CBFA2T2: variants seen among roughly 807,000 people sequenced by gnomAD.
CBFA2T2 encodes the protein CBFA2/RUNX1 partner transcriptional co-repressor 2, also known as protein CBFA2T2.
Under a neutral mutation model 62.2 loss-of-function variants are expected in CBFA2T2, and 11 were observed. That is an observed-to-expected ratio of 0.18 (90% CI 0.11 to 0.29). The LOEUF is 0.29. Ranked by LOEUF, CBFA2T2 falls within the 10% of genes least tolerant of loss-of-function variation. The pLI, the probability that CBFA2T2 is intolerant of heterozygous loss-of-function variation, is 1.00. For missense variants in CBFA2T2, 592 were observed against 774.1 expected, an observed-to-expected ratio of 0.76 and a Z score of 2.79; for synonymous variants, 295 against 287.5, an observed-to-expected ratio of 1.03 and a Z score of -0.27.
At chr20:33,509,083 TTG>T (rs2011457448) in intron 1 of CBFA2T2, among the ~76,000 whole-genome samples, 1 of 152,130 alleles carries the variant, frequency 6.6e-6, no homozygotes, top group Non-Finnish European at 1.5e-5. Flanking sequence ...TATGTCAGAC[TTG>T]GCTGGGTGTG....
At chr20:33,504,011 G>C (rs1296357194) in intron 1 of CBFA2T2, among the ~76,000 whole-genome samples, 1 of 151,836 alleles carries the variant, frequency 6.6e-6, no homozygotes, top group South Asian at 2.1e-4. Flanking sequence ...TTTTCACCTC[G>C]CTCTTGGAAG....
intron 1 of CBFA2T2, among the ~76,000 whole-genome samples, chr20:33,604,596 TG>T (rs1342566463): frequency 6.6e-6 from 1 of 152,200 alleles, no homozygotes; most frequent in Non-Finnish European, 1.5e-5. Context: ...TCAAAGCTTT[TG>T]GTTGGTAAGA....
chr20:33,546,713 T>A (rs1022168252), intron 1 of CBFA2T2, among the ~76,000 whole-genome samples: 3 of 152,050 alleles, frequency 2.0e-5, no homozygotes, highest in Non-Finnish European at 4.4e-5. Flanking sequence ...CAGGCTGGTC[T>A]TGAGCTCCTG....
At chr20:33,492,344 T>A in intron 1 of CBFA2T2, among the ~76,000 whole-genome samples, 4 of 151,556 alleles carry the variant, frequency 2.6e-5, no homozygotes, top group Middle Eastern at 6.8e-3. Flanking sequence ...TTTGAAAAAA[T>A]TGGGGGGCTC....
chr20:33,599,495 A>G lies in CBFA2T2; in HGVS notation c.35-7461A>G, dbSNP rs149126407. Among the ~76,000 whole-genome samples, 23 of 152,300 alleles carry G rather than the reference A, an allele frequency of 1.5e-4. 1 individual carries two copies. The East Asian group carries it at 4.4e-3, about 29-fold the overall frequency. On this transcript the variant is annotated intron_variant, in intron 1 of 10. Coordinates refer to ENST00000342704, the MANE Select transcript of CBFA2T2 (RefSeq NM_001032999.3). ...ATGTAAAAAATTTATTTTTTCTATC[A>G]GTGTTGGTACATGTTAAAGTATTGA...
chr20:33,516,726 G>A (rs900691359), intron 1 of CBFA2T2, among the ~76,000 whole-genome samples: 3 of 152,120 alleles, frequency 2.0e-5, no homozygotes, highest in Admixed American at 6.6e-5. Context: ...ATATTTTCAG[G>A]CTTTTTGGTA....
At chr20:33,545,020 C>CAGAATAGAAT (rs11474456) in intron 1 of CBFA2T2, among the ~76,000 whole-genome samples, 1 of 143,838 alleles carries the variant, frequency 7.0e-6, no homozygotes, top group Non-Finnish European at 1.5e-5. Flanking sequence ...TAGAACAGAA[C>CAGAATAGAAT]AGAATGCAAG....
At chr20:33,538,668 C>G (rs1158341762) in intron 1 of CBFA2T2, among the ~76,000 whole-genome samples, 2 of 152,058 alleles carry the variant, frequency 1.3e-5, no homozygotes, top group Non-Finnish European at 2.9e-5. Flanking sequence ...CCCTGGCCTC[C>G]GTTGGATTTT....
At chr20:33,641,530 C>G (rs191563409) in intron 10 of CBFA2T2, among the ~76,000 whole-genome samples, 5 of 152,244 alleles carry the variant, frequency 3.3e-5, no homozygotes, top group Admixed American at 3.3e-4. Context: ...AACAAGAAAC[C>G]AGTTTCTTTC....
intron 1 of CBFA2T2, among the ~76,000 whole-genome samples, chr20:33,490,965 A>G: frequency 6.6e-6 from 1 of 152,234 alleles, no homozygotes; most frequent in South Asian, 2.1e-4. Context: ...TGTGCACCGC[A>G]CTCGGAAAAG....
chr20:33,578,169 T>C (rs1234155789), intron 1 of CBFA2T2, among the ~76,000 whole-genome samples: 3 of 152,356 alleles, frequency 2.0e-5, no homozygotes, highest in Non-Finnish European at 2.9e-5. Flanking sequence ...ATTTATTTTT[T>C]CCTTTACAGC....
chr20:33,636,171 ATC>A (rs1482102975), intron 8 of CBFA2T2, among the ~76,000 whole-genome samples: 3 of 150,916 alleles, frequency 2.0e-5, no homozygotes, highest in Non-Finnish European at 4.4e-5. Flanking sequence ...AGGTAGGAGA[ATC>A]ACTTGAACCC....
intron 3 of CBFA2T2, among the ~76,000 whole-genome samples, chr20:33,612,614 T>C (rs1447232301): frequency 2.0e-5 from 3 of 152,236 alleles, no homozygotes; most frequent in African/African-American, 7.2e-5. Flanking sequence ...GCTGCTCTTC[T>C]TACTGCATTT....
At chr20:33,622,099 C>T (rs1215470292) in intron 4 of CBFA2T2, among the ~76,000 whole-genome samples, 3 of 152,074 alleles carry the variant, frequency 2.0e-5, no homozygotes, top group Non-Finnish European at 4.4e-5. Context: ...TTTACAGTTG[C>T]AACAAGATTG....
At chr20:33,535,872 T>C (rs2012201613) in intron 1 of CBFA2T2, among the ~76,000 whole-genome samples, 2 of 152,064 alleles carry the variant, frequency 1.3e-5, no homozygotes, top group South Asian at 4.1e-4. Flanking sequence ...GTGATGATTC[T>C]TAACGAGCAT....
At position 33,536,272 on chromosome 20, in the gene CBFA2T2, A is replaced by G. The variant is rs1363606918; in HGVS notation, c.34+45971A>G. 3.0e-3 allele frequency among the ~76,000 whole-genome samples: 409 copies of G among 136,854 alleles called. 6 individuals are homozygous for G. The highest frequency in any genetic ancestry group is 5.1e-3 in the Admixed American group (71 of 13,818). The allele number at this position is 136,854 out of a possible 152,430, so 89.8% of individuals were successfully genotyped here. A position where few individuals can be genotyped will look rare whatever the true frequency, so the allele number is the denominator to read the frequency against. ...CGGGCAGAGGCGCCCCTCATCTCCC[A>G]GACGGGGCGGCTGGCCGGGCGGGGG... On this transcript the variant is annotated intron_variant, in intron 1 of 10. Transcript: ENST00000342704.
At chr20:33,603,135 A>G (rs937531781) in intron 1 of CBFA2T2, among the ~76,000 whole-genome samples, 3 of 152,188 alleles carry the variant, frequency 2.0e-5, no homozygotes, top group Admixed American at 1.3e-4. Context: ...TGGAAACTGA[A>G]ACTGCAGATA....
At chr20:33,629,957 T>G in intron 8 of CBFA2T2, 43 bp downstream of exon 8, 1 of 1,516,946 alleles carries the variant, frequency 6.6e-7, no homozygotes, top group African/African-American at 1.4e-5. Flanking sequence ...AATGTCAGCC[T>G]TTAGAGCCCA....
Position 33,629,736 on chromosome 20 carries a change from G to C in CBFA2T2, c.1050G>C (p.Met350Ile). 2 of 1,613,706 alleles carry C rather than the reference G, an allele frequency of 1.2e-6. No individual in the cohort carries two copies. Among genetic ancestry groups the C allele is most frequent in the Non-Finnish European group, 1.7e-6 (2 of 1,179,882 alleles). The change falls in exon 8 of 11, where the codon ATG (methionine) becomes ATC (isoleucine). Residue 350 changes from methionine (M) to isoleucine (I), a missense_variant. Physicochemically the swap from Met to Ile is conservative, Grantham distance 10. Around this residue, in one of 3 missense-constraint regions of CBFA2T2, gnomAD observed 449 missense variants for 551.2 expected, o/e 0.81. Transcript: ENST00000342704. ...KHLDHALNCI[M>I]EMVEKTRRSM... ...TGACTCAGGCGCTGAATTGCATTATGGAAATGGTAGAGAAAACAAGGCGCT... is the reference window on the plus strand; with the variant it reads ...TGACTCAGGCGCTGAATTGCATTATCGAAATGGTAGAGAAAACAAGGCGCT...
Sources: gnomAD v4.1 joint callset for allele counts (sites outside exome capture counted in the v4.1 genomes callset) on GRCh38, gnomAD v4.1.1 for gene constraint, gnomAD v4.1.1 regional missense constraint, MANE v1.5 for transcripts, NCBI Gene and HGNC (gene_info 2026-07-23, HGNC 2026-07-21) for gene names.